Variants in EPHB6 observed in about 807,000 individuals in gnomAD.
EPHB6 encodes the protein EPH receptor B6.
In EPHB6, 51 loss-of-function variants were observed where a neutral mutation model predicts 107.0. The ratio of observed to expected loss-of-function variants is 0.48; its 90% CI spans 0.38 to 0.60. EPHB6 has a LOEUF of 0.60. EPHB6 is among the 20% of genes least tolerant of loss of function. The pLI, the probability that EPHB6 is intolerant of heterozygous loss-of-function variation, is 0.00. For missense variants in EPHB6, 1,141 were observed against 1,355.5 expected (o/e 0.84, Z 2.48); for synonymous variants, 553 against 549.0 (o/e 1.01, Z -0.10).
rs544189467 is a variant in EPHB6 at position 142,866,080 on chromosome 7, A to G, written c.1226A>G (p.Lys409Arg). The G allele has an allele frequency of 5.4e-5, 87 of 1,611,526 alleles. No homozygotes were observed. The Middle Eastern group carries it at 8.3e-4, about 15-fold the overall frequency. Residue 409 changes from lysine to arginine, a missense_variant, in exon 9 of 20, where the codon AAG becomes AGG. By Grantham distance (26) the Lys-to-Arg change is conservative. This residue lies in a region of EPHB6 where 304 missense variants were observed against 295.7 expected (regional missense o/e 1.03). Coordinates refer to ENST00000652003, the MANE Select transcript of EPHB6 (RefSeq NM_004445.6). This position sits in a 1 kb window ranked among gnomAD's most constrained non-coding sequence, Gnocchi z 5.2. ...GACCTGCTCTTCAATGTCGTGTGCA[A>G]GGAGTGTGAAGGCCGCCAGGAACCT... Reference protein sequence around the residue: ...RGDLLFNVVCKECEGRQEPAS... With the variant: ...RGDLLFNVVCRECEGRQEPAS...
At chr7:142,861,817 T>C (rs1802852981) in intron 2 of EPHB6, among the ~76,000 whole-genome samples, 200 bp from the exon 3 acceptor site, 1 of 152,234 alleles carries the variant, frequency 6.6e-6, no homozygotes, top group African/African-American at 2.4e-5. Flanking sequence ...ATTCTTACAA[T>C]GTAGTTGCTG....
At position 142,868,225 on chromosome 7, in the gene EPHB6, C is replaced by T. The variant is rs1451831563; in HGVS notation, c.1919-16C>T. On this transcript the variant is annotated splice_polypyrimidine_tract_variant and intron_variant, in intron 13 of 19. Transcript: ENST00000652003. This position sits in a 1 kb window ranked among gnomAD's most constrained non-coding sequence, Gnocchi z 4.2. ...CCTTTCACAACACGCTCATAACATA[C>T]TCCACACCCCTCCAGGACTCGGGGT... 5 of 1,614,014 alleles carry T rather than the reference C, an allele frequency of 3.1e-6. 1 individual carries two copies. The highest frequency in any genetic ancestry group is 4.2e-6 in the Non-Finnish European group (5 of 1,180,020).
At position 142,869,829 on chromosome 7, in the gene EPHB6, T is replaced by A. The variant is rs2116484385; in HGVS notation, c.2473T>A (p.Leu825Met). Residue 825 changes from leucine to methionine, a missense_variant, in exon 17 of 20, where the codon TTG becomes ATG. Coordinates refer to ENST00000652003, the MANE Select transcript of EPHB6 (RefSeq NM_004445.6). The surrounding 1 kb of genome is among the most constrained non-coding windows in gnomAD (Gnocchi z 4.5). ...LGHSPQGPSC[L>M]LRWAAPEVIA... is the part of the protein sequence containing the mutation. ...CTTTACCCCTCAGGGCCCAAGTTGTTTGCTTCGCTGGGCAGCCCCAGAGGT... is the reference window on the plus strand; with the variant it reads ...CTTTACCCCTCAGGGCCCAAGTTGTATGCTTCGCTGGGCAGCCCCAGAGGT... 10 of 1,614,246 alleles carry A rather than the reference T, an allele frequency of 6.2e-6. No homozygotes were observed. Among genetic ancestry groups the A allele is most frequent in the South Asian group, 1.1e-5 (1 of 91,086 alleles).
Position 142,870,218 on chromosome 7 carries a change from T to TA in EPHB6, c.2618dup (p.Asn873LysfsTer38), listed in dbSNP as rs1563349345. On this transcript the variant is annotated frameshift_variant, in exon 18 of 20. Coordinates refer to ENST00000652003, the MANE Select transcript of EPHB6 (RefSeq NM_004445.6). LOFTEE classifies it high-confidence loss of function. ...TAGTCTTCCTCTGACCCCCAGGTAC[T>TA]AAATGCAATAGAGCAGGAGTTCCGG... 1.2e-6 allele frequency: 2 copies of TA among 1,614,040 alleles called. No homozygotes were observed. Among genetic ancestry groups the TA allele is most frequent in the African/African-American group, 2.7e-5 (2 of 74,928 alleles).
chr7:142,870,201 C>T lies in EPHB6; in HGVS notation c.2611-13C>T, dbSNP rs1243554046. ...AAAACTTCCCATCGTCATAGTCTTC[C>T]TCTGACCCCCAGGTACTAAATGCAA... On this transcript the variant is annotated splice_polypyrimidine_tract_variant and intron_variant, in intron 17 of 19. Transcript: ENST00000652003. 2 of 1,613,946 alleles carry T rather than the reference C, an allele frequency of 1.2e-6. No homozygotes were observed. Among genetic ancestry groups the T allele is most frequent in the African/African-American group, 2.7e-5 (2 of 74,926 alleles).
Position 142,863,591 on chromosome 7 carries a change from G to A in EPHB6, c.101-40G>A, listed in dbSNP as rs759679853. 2.5e-6 allele frequency: 4 copies of A among 1,605,650 alleles called. No individual in the cohort carries two copies. In the Admixed American group the frequency reaches 6.7e-5, roughly 27 times the overall value. ...AGAGTAGGGGCTGGCAGTGCTGGCT[G>A]GAGGCTTGGCCACTGTGTGCCCCTC... On this transcript the variant is annotated intron_variant, in intron 5 of 19. Coordinates refer to ENST00000652003, the MANE Select transcript of EPHB6 (RefSeq NM_004445.6).
chr7:142,866,014 T>G lies in EPHB6; in HGVS notation c.1160T>G (p.Met387Arg). The change falls in exon 9 of 20, where the codon ATG becomes AGG. Residue 387 changes from methionine (M) to arginine (R), a missense_variant. Met to Arg is a moderately conservative substitution (Grantham distance 91). This residue lies in a region of EPHB6 where 304 missense variants were observed against 295.7 expected (regional missense o/e 1.03). Coordinates refer to ENST00000652003, the MANE Select transcript of EPHB6 (RefSeq NM_004445.6). The surrounding 1 kb of genome is among the most constrained non-coding windows in gnomAD (Gnocchi z 5.2). ...TTTGAGGTGCAAGGCTCAGCACTCATGCTACACTGGCGCCTGCCTCGGGAG... is the reference window on the plus strand; with the variant it reads ...TTTGAGGTGCAAGGCTCAGCACTCAGGCTACACTGGCGCCTGCCTCGGGAG... Reference protein sequence around the residue: ...LWFEVQGSALMLHWRLPRELG... With the variant: ...LWFEVQGSALRLHWRLPRELG... The G allele has an allele frequency of 6.2e-7, 1 of 1,613,978 alleles. No homozygotes were observed. Among genetic ancestry groups the G allele is most frequent in the South Asian group, 1.1e-5 (1 of 91,060 alleles).
chr7:142,869,504 T>C lies in EPHB6; in HGVS notation c.2461-313T>C, dbSNP rs548984625. On this transcript the variant is annotated intron_variant, in intron 16 of 19. Transcript: ENST00000652003. The surrounding 1 kb of genome is among the most constrained non-coding windows in gnomAD (Gnocchi z 4.5). The stretch of plus-strand genomic sequence containing the variant: ...TGTGACCTTGGACAAGTTCACTTTC[T>C]CTAAGCTTCACCTTCTGCTTCTGTG... Among the ~76,000 whole-genome samples, 2 of 152,336 alleles carry C rather than the reference T, an allele frequency of 1.3e-5. No homozygotes were observed. Among genetic ancestry groups the C allele is most frequent in the Non-Finnish European group, 2.9e-5 (2 of 68,028 alleles).
chr7:142,867,675 C>T lies in EPHB6; in HGVS notation c.1818C>T (p.Ala606=), dbSNP rs145507414. Residue 606 remains alanine, a synonymous_variant, in exon 12 of 20, where the codon GCC becomes GCT. Coordinates refer to ENST00000652003, the MANE Select transcript of EPHB6 (RefSeq NM_004445.6). This position sits in a 1 kb window ranked among gnomAD's most constrained non-coding sequence, Gnocchi z 5.3. ...TCGGCTCCATCCTGGGGGCTTTGGCCTTCCTCCTGCTGGCAGCCATCACCG... is the reference window on the plus strand; with the variant it reads ...TCGGCTCCATCCTGGGGGCTTTGGCTTTCCTCCTGCTGGCAGCCATCACCG... ...LVIGSILGAL[A]FLLLAAITVL... 11 of 1,613,440 alleles carry T rather than the reference C, an allele frequency of 6.8e-6. No homozygotes were observed. In the African/African-American group the frequency reaches 1.2e-4, roughly 18 times the overall value.
In EPHB6 at chr7:142,863,191, G is replaced by A; in HGVS notation, c.-37G>A. On this transcript the variant is annotated 5_prime_UTR_variant, in exon 5 of 20. The change creates a new upstream start codon in the 5' untranslated region. Coordinates refer to ENST00000652003, the MANE Select transcript of EPHB6 (RefSeq NM_004445.6). ...TGCAGCCCCACCCAGGAGCAGGGTG[G>A]TGGCTGGGGCGATGGTGGACGCCCT... 1 of 1,592,978 alleles carries A rather than the reference G, an allele frequency of 6.3e-7. No individual in the cohort carries two copies. The highest frequency in any genetic ancestry group is 1.3e-5 in the African/African-American group (1 of 74,622).
In EPHB6 at chr7:142,867,640, T is replaced by A; in HGVS notation, c.1783T>A (p.Ser595Thr). 1 of 1,613,534 alleles carries A rather than the reference T, an allele frequency of 6.2e-7. No homozygotes were observed. Among genetic ancestry groups the A allele is most frequent in the Non-Finnish European group, 8.5e-7 (1 of 1,179,930 alleles). ...ELSSQLPERL[S>T]LVIGSILGAL... ...GTCTTCCCAGCTTCCAGAAAGACTC[T>A]CCTTGGTGATCGGCTCCATCCTGGG... Residue 595 changes from serine to threonine, a missense_variant, in exon 12 of 20, where the codon TCC becomes ACC. Around this residue, in one of 3 missense-constraint regions of EPHB6, gnomAD observed 616 missense variants for 759.3 expected, o/e 0.81. Coordinates refer to ENST00000652003, the MANE Select transcript of EPHB6 (RefSeq NM_004445.6). The surrounding 1 kb of genome is among the most constrained non-coding windows in gnomAD (Gnocchi z 5.3).
At position 142,864,293 on chromosome 7, in the gene EPHB6, CCCTCCTCCTCCTCCT is replaced by C. The variant is rs143667567; in HGVS notation, c.507_521del (p.Ser173_Ser177del). ...CACAATTGCAGCAGACGAGAGCTTTCCCTCCTCCTCCTCCTCCTCCTCCTCCTCTTCTTCCTCTGC... is the reference window on the plus strand; with the variant it reads ...CACAATTGCAGCAGACGAGAGCTTTCCCTCCTCCTCCTCTTCTTCCTCTGC... On this transcript the variant is annotated inframe_deletion, in exon 7 of 20. Coordinates refer to ENST00000652003, the MANE Select transcript of EPHB6 (RefSeq NM_004445.6). The C allele has an allele frequency of 3.1e-5, 49 of 1,559,850 alleles. No individual in the cohort carries two copies. Among genetic ancestry groups the C allele is most frequent in the Middle Eastern group, 1.7e-4 (1 of 5,952 alleles).
intron 1 of EPHB6, among the ~76,000 whole-genome samples, chr7:142,858,301 C>T (rs1471355995): frequency 6.6e-6 from 1 of 151,890 alleles, no homozygotes; most frequent in African/African-American, 2.4e-5. Context: ...GATTGAGGTG[C>T]ATAAACTATA....
In EPHB6 at chr7:142,866,198, G is replaced by A. The variant is rs1468808091; in HGVS notation, c.1344G>A (p.Val448=). 1 of 1,614,006 alleles carries A rather than the reference G, an allele frequency of 6.2e-7. No homozygotes were observed. Among genetic ancestry groups the A allele is most frequent in the Non-Finnish European group, 8.5e-7 (1 of 1,180,018 alleles). Residue 448 remains valine (V), a synonymous_variant, in exon 9 of 20, where the codon GTG becomes GTA. Transcript: ENST00000652003. This position sits in a 1 kb window ranked among gnomAD's most constrained non-coding sequence, Gnocchi z 5.2. ...GCCTGACTGAGAGCCGAGTGTTAGT[G>A]GGGGGACTCCGGGCACACGTACCCT... ...QRGLTESRVL[V]GGLRAHVPYI...
Position 142,870,536 on chromosome 7 carries a change from C to G in EPHB6, c.2811C>G (p.Ser937=), listed in dbSNP as rs1026381045. 6.2e-6 allele frequency: 10 copies of G among 1,614,120 alleles called. No individual in the cohort carries two copies. The highest frequency in any genetic ancestry group is 1.1e-5 in the South Asian group (1 of 91,092). The change falls in exon 19 of 20, where the codon TCC becomes TCG. Residue 937 remains serine (S), a synonymous_variant. Transcript: ENST00000652003. ...QAGGDPGERP[S]QALLTPVALD... ...CTTGCCCCTCCCCTCTTAGGCCTTC[C>G]CAGGCCCTTCTGACCCCTGTGGCCC...
At chr7:142,870,185 C>G in intron 17 of EPHB6, 29 bp from the exon 18 acceptor site, 1 of 1,613,818 alleles carries the variant, frequency 6.2e-7, no homozygotes, top group South Asian at 1.1e-5. Context: ...CAAAACTTCC[C>G]ATCGTCATAG....
rs2116497077 is a variant in EPHB6, at chr7:142,870,806, G to A, written c.2971G>A (p.Ala991Thr). 6.2e-7 allele frequency: 1 copy of A among 1,614,190 alleles called. No homozygotes were observed. Among genetic ancestry groups the A allele is most frequent in the Non-Finnish European group, 8.5e-7 (1 of 1,180,008 alleles). ...TTCCCTCCCCACCAGAGACCTGCCT[G>A]CCCTGGGCATCACCCTGGCTGGCCA... is the stretch of plus-strand genomic sequence containing the variant. ...VAQLSLEDLP[A>T]LGITLAGHQK... The change falls in exon 20 of 20, where the codon GCC becomes ACC. Residue 991 changes from alanine (A) to threonine (T), a missense_variant. Coordinates refer to ENST00000652003, the MANE Select transcript of EPHB6 (RefSeq NM_004445.6).
rs138684165 is a variant in EPHB6 at position 142,868,447 on chromosome 7, G to T, written c.2039-45G>T. ...GAGTCCCATCCAAACACAGCAGGAC[G>T]CTGTGAGCCTTGATCCCCACCCCAA... On this transcript the variant is annotated intron_variant, in intron 14 of 19. Coordinates refer to ENST00000652003, the MANE Select transcript of EPHB6 (RefSeq NM_004445.6). The surrounding 1 kb of genome is among the most constrained non-coding windows in gnomAD (Gnocchi z 4.2). 6.2e-7 allele frequency: 1 copy of T among 1,614,080 alleles called. No homozygotes were observed. Among genetic ancestry groups the T allele is most frequent in the Non-Finnish European group, 8.5e-7 (1 of 1,180,006 alleles).
Position 142,855,908 on chromosome 7 carries a change from C to T in EPHB6, c.-432+523C>T, listed in dbSNP as rs916622392. ...GAACGCTTGGTTCCTGCTGCCCAGC[C>T]ATCACCCCCAACGTGCAACCAAATT... On this transcript the variant is annotated intron_variant, in intron 1 of 19. Transcript: ENST00000652003. The surrounding 1 kb of genome is among the most constrained non-coding windows in gnomAD (Gnocchi z 4.2). Among the ~76,000 whole-genome samples, 7 of 152,184 alleles carry T rather than the reference C, an allele frequency of 4.6e-5. No homozygotes were observed. Among genetic ancestry groups the T allele is most frequent in the Admixed American group, 3.3e-4 (5 of 15,288 alleles).
Sources: gnomAD v4.1 joint callset for allele counts (sites outside exome capture counted in the v4.1 genomes callset) on GRCh38, gnomAD v4.1.1 for gene constraint, gnomAD v4.1.1 regional missense constraint, Gnocchi (gnomAD v3.1) non-coding constraint, MANE v1.5 for transcripts, NCBI Gene and HGNC (gene_info 2026-07-23, HGNC 2026-07-21) for gene names.